The following SPTLC3 variants were observed in gnomAD, a reference collection of about 807,000 sequenced individuals.
The protein encoded by SPTLC3 is serine palmitoyltransferase long chain base subunit 3.
In SPTLC3, 36 loss-of-function variants were observed where a neutral mutation model predicts 59.3. The ratio of observed to expected loss-of-function variants is 0.61; its 90% CI spans 0.47 to 0.80. The LOEUF is 0.80. Ranked by LOEUF, SPTLC3 falls within the 30% of genes least tolerant of loss-of-function variation. The pLI is 0.00. For missense variants in SPTLC3, 625 were observed against 685.1 expected (o/e 0.91, Z 0.98); for synonymous variants, 257 against 240.8 (o/e 1.07, Z -0.62).
chr20:13,065,704 C>T (rs1016730487), intron 2 of SPTLC3, among the ~76,000 whole-genome samples: 2 of 123,016 alleles, frequency 1.6e-5, no homozygotes, highest in African/African-American at 2.9e-5. Flanking sequence ...ATTTTAAATA[C>T]TTCTCCTTTT....
chr20:13,121,680 G>T (rs1400516870), intron 8 of SPTLC3, among the ~76,000 whole-genome samples: 2 of 152,130 alleles, frequency 1.3e-5, no homozygotes, highest in African/African-American at 4.8e-5. Flanking sequence ...GGGAACGAGA[G>T]GGGGAATTAG....
chr20:13,029,125 C>T (rs1175646222), intron 1 of SPTLC3, among the ~76,000 whole-genome samples: 1 of 152,128 alleles, frequency 6.6e-6, no homozygotes, highest in African/African-American at 2.4e-5. Context: ...AAGTACATCT[C>T]GGGTTAGTTT....
chr20:13,121,005 C>A (rs2122762367), intron 8 of SPTLC3, among the ~76,000 whole-genome samples: 1 of 152,328 alleles, frequency 6.6e-6, no homozygotes, highest in East Asian at 1.9e-4. Context: ...AGCTCCGTGC[C>A]ATGAATGGCT....
chr20:13,080,159 CA>C (rs1243256444), intron 4 of SPTLC3, among the ~76,000 whole-genome samples: 1 of 151,582 alleles, frequency 6.6e-6, no homozygotes, highest in African/African-American at 2.4e-5. Flanking sequence ...CACAAACCAC[CA>C]AAAAAAAGAA....
intron 4 of SPTLC3, 70 bp downstream of exon 4, chr20:13,074,567 CT>C: frequency 1.3e-6 from 2 of 1,506,272 alleles, no homozygotes; most frequent in Non-Finnish European, 1.8e-6. Flanking sequence ...TCTCTCAAAT[CT>C]AGATCATATT....
chr20:13,126,860 C>T lies in SPTLC3; in HGVS notation c.1279+143C>T, dbSNP rs540365240. 5.1e-6 allele frequency: 6 copies of T among 1,183,572 alleles called. No homozygotes were observed. In the East Asian group the frequency reaches 1.3e-4, roughly 25 times the overall value. The allele number at this position is 1,183,572 out of a possible 1,614,324, so 73.3% of individuals were successfully genotyped here. ...GCCATGTGATAAATGCACAAAACTG[C>T]CGTTAGCACACCATACAAAAACCCT... On this transcript the variant is annotated intron_variant, in intron 9 of 11. Transcript: ENST00000399002.
chr20:13,070,612 TA>T (rs1379180217), intron 2 of SPTLC3, among the ~76,000 whole-genome samples: 1 of 152,140 alleles, frequency 6.6e-6, no homozygotes, highest in African/African-American at 2.4e-5. Flanking sequence ...CACTCCCAAT[TA>T]TTCAGTGACC....
intron 9 of SPTLC3, among the ~76,000 whole-genome samples, chr20:13,142,555 A>G (rs557447338): frequency 2.6e-5 from 4 of 151,980 alleles, no homozygotes; most frequent in Non-Finnish European, 5.9e-5. Context: ...GGCTAGAGAG[A>G]TTGTATTTGC....
At position 13,165,963 on chromosome 20, in the gene SPTLC3, CT is replaced by C. The variant is rs1432223019; in HGVS notation, c.*1097del. ...ACTAACTGTAATTTACTTGTGTTCT[CT>C]CTTTCTTGCTCTCCTTCTCAACATG... On this transcript the variant is annotated 3_prime_UTR_variant, in exon 12 of 12. Transcript: ENST00000399002. 6.6e-6 allele frequency: 1 copy of C among 152,356 alleles called. No individual in the cohort carries two copies. The highest frequency in any genetic ancestry group is 6.5e-5 in the Admixed American group (1 of 15,276). The allele number at this position is 152,356 out of a possible 1,614,324, so 9.4% of individuals were successfully genotyped here. A position where few individuals can be genotyped will look rare whatever the true frequency, so the allele number is the denominator to read the frequency against.
intron 1 of SPTLC3, among the ~76,000 whole-genome samples, chr20:13,036,741 A>G (rs1033174223): frequency 5.3e-5 from 8 of 152,140 alleles, no homozygotes; most frequent in Non-Finnish European, 1.2e-4. Flanking sequence ...GATTTGGGAC[A>G]TAAACAACTG....
intron 6 of SPTLC3, among the ~76,000 whole-genome samples, chr20:13,098,515 T>C (rs1989498624): frequency 6.6e-6 from 1 of 152,216 alleles, no homozygotes; most frequent in Non-Finnish European, 1.5e-5. Flanking sequence ...AATTCTTAAC[T>C]TTTTGCTGAA....
Position 13,009,147 on chromosome 20 carries a change from G to T in SPTLC3, c.-121G>T. 2.7e-6 allele frequency: 2 copies of T among 730,502 alleles called. No individual in the cohort carries two copies. The highest frequency in any genetic ancestry group is 4.7e-6 in the Non-Finnish European group (2 of 426,428). 45.3% of individuals were successfully genotyped at this position (730,502 alleles called of 1,614,324 possible). On this transcript the variant is annotated 5_prime_UTR_variant, in exon 1 of 12. Coordinates refer to ENST00000399002, the MANE Select transcript of SPTLC3 (RefSeq NM_018327.4). ...CTCTTCTTCTGGAAAAGCCTGATTG[G>T]TAAGATTCCTTTAAGGGCTCAGCCC...
chr20:13,136,604 C>CATATAT lies in SPTLC3; in HGVS notation c.1279+9897_1279+9902dup, dbSNP rs113062136. ...AACAGAGTGAGACCTCATCTAAAAACATATATATATATATAATATACATAT... is the reference window on the plus strand; with the variant it reads ...AACAGAGTGAGACCTCATCTAAAAACATATATATATATATATATATAATATACATAT... On this transcript the variant is annotated intron_variant, in intron 9 of 11. Coordinates refer to ENST00000399002, the MANE Select transcript of SPTLC3 (RefSeq NM_018327.4). Among the ~76,000 whole-genome samples, 626 of 136,050 alleles carry CATATAT rather than the reference C, an allele frequency of 4.6e-3. 2 individuals carry two copies. Among genetic ancestry groups the CATATAT allele is most frequent in the Non-Finnish European group, 6.5e-3 (406 of 62,360 alleles). 89.3% of individuals were successfully genotyped at this position (136,050 alleles called of 152,430 possible).
intron 1 of SPTLC3, among the ~76,000 whole-genome samples, chr20:13,036,228 T>A (rs1235566854): frequency 6.6e-6 from 1 of 152,136 alleles, no homozygotes; most frequent in African/African-American, 2.4e-5. Context: ...ACTGTTAGGA[T>A]CTATTTATAC....
chr20:13,063,533 T>G (rs1021926252), intron 2 of SPTLC3, among the ~76,000 whole-genome samples: 2 of 152,114 alleles, frequency 1.3e-5, no homozygotes, highest in East Asian at 3.9e-4. Flanking sequence ...CTTTTGTGAT[T>G]TGGGCTTTTA....
intron 1 of SPTLC3, among the ~76,000 whole-genome samples, chr20:13,036,274 A>G (rs1986731126): frequency 6.6e-6 from 1 of 151,728 alleles, no homozygotes; most frequent in Non-Finnish European, 1.5e-5. Context: ...CACTGGGTGC[A>G]CCTCTCCTTC....
intron 11 of SPTLC3, among the ~76,000 whole-genome samples, chr20:13,160,388 T>C (rs1318718139): frequency 1.3e-5 from 2 of 152,204 alleles, no homozygotes. Context: ...ACTGACTGAG[T>C]AGCCAAATGT....
At chr20:13,123,274 T>C (rs1055814237) in intron 8 of SPTLC3, among the ~76,000 whole-genome samples, 1 of 151,218 alleles carries the variant, frequency 6.6e-6, no homozygotes, top group African/African-American at 2.4e-5. Flanking sequence ...AAGGTTGCAG[T>C]GAGCCAAGGT....
At chr20:13,067,440 T>C (rs1988265516) in intron 2 of SPTLC3, among the ~76,000 whole-genome samples, 1 of 152,180 alleles carries the variant, frequency 6.6e-6, no homozygotes, top group South Asian at 2.1e-4. Flanking sequence ...TCCTGTGGTT[T>C]AATTTCCCCA....
Sources: allele counts gnomAD v4.1 joint callset (sites outside exome capture counted in the v4.1 genomes callset), GRCh38; gene constraint gnomAD v4.1.1; transcripts MANE v1.5; gene names NCBI Gene and HGNC (gene_info 2026-07-23, HGNC 2026-07-21).